Variants in NAALADL2 observed in about 807,000 individuals in gnomAD.
NAALADL2 encodes the protein inactive N-acetylated-alpha-linked acidic dipeptidase-like protein 2.
A neutral mutation model predicts 87.2 loss-of-function variants in NAALADL2; 76 were observed. That is an observed-to-expected ratio of 0.87 (90% CI 0.72 to 1.05). The LOEUF (loss-of-function observed/expected upper bound fraction) is 1.05. Among genes scored for constraint, NAALADL2 ranks in the 50% least tolerant of loss-of-function variants. The pLI is 0.00. For synonymous variants in NAALADL2, 354 were observed against 331.0 expected (o/e 1.07, Z -0.75); for missense variants, 1,089 against 945.8 (o/e 1.15, Z -1.99).
At position 174,710,317 on chromosome 3, in the gene NAALADL2, C is replaced by T. The variant is rs373575866; in HGVS notation, c.-114-27324C>T. ...TCGCCCAGGCTGGAATGCAGTGGCG[C>T]GATCTCGGCTCACTGCAAGCTCTGC... On this transcript the variant is annotated intron_variant, in intron 2 of 3. Transcript: ENST00000434257. 2.8e-3 allele frequency among the ~76,000 whole-genome samples: 421 copies of T among 149,726 alleles called. 1 individual carries two copies. The highest frequency in any genetic ancestry group is 9.8e-3 in the African/African-American group (399 of 40,528).
intron 9 of NAALADL2, among the ~76,000 whole-genome samples, chr3:175,513,186 A>G (rs569176695): frequency 1.3e-5 from 2 of 152,332 alleles, no homozygotes; most frequent in African/African-American, 2.4e-5. Context: ...GAACATGTTC[A>G]TTAAACGTGC....
intron 1 of NAALADL2, among the ~76,000 whole-genome samples, chr3:175,077,875 C>T (rs1250871172): frequency 1.3e-5 from 2 of 152,042 alleles, no homozygotes; most frequent in African/African-American, 2.4e-5. Flanking sequence ...GAAAGCAAAA[C>T]GTTTCCCTAC....
At chr3:175,374,331 G>A (rs527734449) in intron 5 of NAALADL2, among the ~76,000 whole-genome samples, 4 of 150,748 alleles carry the variant, frequency 2.7e-5, no homozygotes, top group Non-Finnish European at 5.9e-5. Context: ...AGGTGGGAGG[G>A]TCATTTGAGA....
intron 11 of NAALADL2, among the ~76,000 whole-genome samples, chr3:175,737,083 T>G (rs1436270085): frequency 6.6e-6 from 1 of 152,204 alleles, no homozygotes; most frequent in Non-Finnish European, 1.5e-5. Flanking sequence ...ATATATTTCC[T>G]TATACTATTC....
intron 1 of NAALADL2, among the ~76,000 whole-genome samples, chr3:174,525,560 A>G (rs1245468518): frequency 1.3e-5 from 2 of 152,178 alleles, no homozygotes; most frequent in Admixed American, 1.3e-4. Context: ...TCACCCCCCA[A>G]CCAGGTCCCA....
intron 4 of NAALADL2, among the ~76,000 whole-genome samples, chr3:175,322,020 G>A (rs1331899819): frequency 1.2e-4 from 18 of 151,970 alleles, no homozygotes; most frequent in African/African-American, 2.9e-4. Flanking sequence ...AAAAGAGCCC[G>A]CATCACCAAG....
intron 12 of NAALADL2, among the ~76,000 whole-genome samples, chr3:175,748,516 A>G (rs1174192741): frequency 1.3e-5 from 2 of 152,234 alleles, no homozygotes; most frequent in Admixed American, 1.3e-4. Flanking sequence ...AGTGAAGTCT[A>G]AGCTATGATT....
At chr3:175,068,008 G>A (rs1182950756) in intron 1 of NAALADL2, among the ~76,000 whole-genome samples, 1 of 152,076 alleles carries the variant, frequency 6.6e-6, no homozygotes, top group African/African-American at 2.4e-5. Flanking sequence ...TATACCACAT[G>A]TTCTCATTTG....
At chr3:175,135,025 G>A (rs1461268) in intron 2 of NAALADL2, among the ~76,000 whole-genome samples, 73,701 of 151,836 alleles carry the variant, frequency 0.49, 19,938 homozygotes, top group African/African-American at 0.75. Flanking sequence ...TTTTATTATC[G>A]GAGATATAGA....
At chr3:175,366,042 T>C (rs1765519107) in intron 5 of NAALADL2, among the ~76,000 whole-genome samples, 1 of 96,862 alleles carries the variant, frequency 1.0e-5, no homozygotes, top group Non-Finnish European at 2.0e-5. Flanking sequence ...CAGAGTGTGA[T>C]GTTCCCCTTC....
intron 3 of NAALADL2, among the ~76,000 whole-genome samples, chr3:174,803,682 A>G (rs1322973247): frequency 6.6e-6 from 1 of 152,130 alleles, no homozygotes; most frequent in African/African-American, 2.4e-5. Flanking sequence ...TCAGCTTTCT[A>G]TATATGGCTA....
chr3:175,078,617 A>T (rs1717111926), intron 1 of NAALADL2, among the ~76,000 whole-genome samples: 1 of 152,088 alleles, frequency 6.6e-6, no homozygotes, highest in Admixed American at 6.6e-5. Context: ...CCCCAGCCCC[A>T]TGCAACCAGT....
intron 10 of NAALADL2, among the ~76,000 whole-genome samples, chr3:175,588,380 G>A (rs1241694838): frequency 6.6e-6 from 1 of 151,954 alleles, no homozygotes; most frequent in Non-Finnish European, 1.5e-5. Context: ...CCAGGATATG[G>A]TTGAAAATAG....
intron 11 of NAALADL2, among the ~76,000 whole-genome samples, chr3:175,702,106 A>T (rs1160471248): frequency 6.6e-6 from 1 of 152,136 alleles, no homozygotes; most frequent in Non-Finnish European, 1.5e-5. Context: ...CAAATATGCT[A>T]GTTCTAACAT....
At chr3:174,626,289 C>G (rs113807717) in intron 2 of NAALADL2, among the ~76,000 whole-genome samples, 2 of 151,666 alleles carry the variant, frequency 1.3e-5, no homozygotes, top group African/African-American at 4.8e-5. Flanking sequence ...TTTTTCACAC[C>G]CTCAATAATT....
intron 3 of NAALADL2, among the ~76,000 whole-genome samples, chr3:174,838,095 C>CA (rs1723574940): frequency 7.3e-6 from 1 of 137,574 alleles, no homozygotes; most frequent in South Asian, 2.4e-4. Flanking sequence ...AAATCCTTAA[C>CA]AAAATACTAG....
intron 3 of NAALADL2, among the ~76,000 whole-genome samples, chr3:174,846,684 C>G (rs1052203187): frequency 1.3e-5 from 2 of 152,004 alleles, no homozygotes; most frequent in Non-Finnish European, 2.9e-5. Flanking sequence ...ATTAAGTACA[C>G]TTGGGGACAT....
intron 13 of NAALADL2, among the ~76,000 whole-genome samples, chr3:175,770,363 T>G (rs2150176508): frequency 6.6e-6 from 1 of 152,312 alleles, no homozygotes; most frequent in East Asian, 1.9e-4. Context: ...ATGAATCTTT[T>G]CTAAATGGGA....
intron 13 of NAALADL2, among the ~76,000 whole-genome samples, chr3:175,761,405 GA>G (rs1173522793): frequency 2.0e-5 from 3 of 152,142 alleles, no homozygotes; most frequent in Non-Finnish European, 2.9e-5. Flanking sequence ...ATTCATTTTT[GA>G]AGGGCATTTT....
Sources: allele counts gnomAD v4.1 joint callset (sites outside exome capture counted in the v4.1 genomes callset), GRCh38; gene constraint gnomAD v4.1.1; transcripts MANE v1.5; gene names NCBI Gene and HGNC (gene_info 2026-07-23, HGNC 2026-07-21).